MAGI1: variants seen among roughly 807,000 people sequenced by gnomAD.
The protein encoded by MAGI1 is membrane-associated guanylate kinase, WW and PDZ domain-containing protein 1.
In MAGI1, 58 loss-of-function variants were observed where a neutral mutation model predicts 139.9. That is an observed-to-expected ratio of 0.41 (90% CI 0.34 to 0.52). The LOEUF (loss-of-function observed/expected upper bound fraction) is 0.52, where lower values mean the gene tolerates loss of function less well. Among genes scored for constraint, MAGI1 ranks in the 20% least tolerant of loss-of-function variants. MAGI1 has a pLI of 0.12. For missense variants in MAGI1, 1,874 were observed against 1,901.6 expected (o/e 0.99, Z 0.27); for synonymous variants, 812 against 737.9 (o/e 1.10, Z -1.63).
At chr3:65,494,782 A>G (rs1952305825) in intron 2 of MAGI1, among the ~76,000 whole-genome samples, 1 of 152,218 alleles carries the variant, frequency 6.6e-6, no homozygotes, top group Non-Finnish European at 1.5e-5. Flanking sequence ...CATGTGAATA[A>G]CCGCATCCAC....
At chr3:65,567,482 T>C (rs2080721466) in intron 2 of MAGI1, among the ~76,000 whole-genome samples, 1 of 152,176 alleles carries the variant, frequency 6.6e-6, no homozygotes, top group South Asian at 2.1e-4. Context: ...ACGGAAAGCA[T>C]TGATGGAAAG....
chr3:65,991,736 C>G (rs1011648131), intron 1 of MAGI1, among the ~76,000 whole-genome samples: 2 of 152,114 alleles, frequency 1.3e-5, no homozygotes, highest in East Asian at 3.9e-4. Flanking sequence ...AAATCCAGGC[C>G]AGGCACGGTG....
chr3:65,840,846 G>C (rs2058779127), intron 1 of MAGI1, among the ~76,000 whole-genome samples: 1 of 152,166 alleles, frequency 6.6e-6, no homozygotes, highest in Non-Finnish European at 1.5e-5. Context: ...TTTTCTGGAA[G>C]AAATTATATA....
chr3:65,890,198 A>T (rs1259885499), intron 1 of MAGI1, among the ~76,000 whole-genome samples: 1 of 152,136 alleles, frequency 6.6e-6, no homozygotes, highest in Non-Finnish European at 1.5e-5. Flanking sequence ...CCCCGTCTCT[A>T]CTAAAAATAC....
intron 1 of MAGI1, among the ~76,000 whole-genome samples, chr3:65,715,644 TTTTG>T (rs2032145161): frequency 6.6e-6 from 1 of 152,260 alleles, no homozygotes; most frequent in East Asian, 1.9e-4. Flanking sequence ...CAGACACACA[TTTTG>T]TTTGTTTAAA....
intron 3 of MAGI1, among the ~76,000 whole-genome samples, chr3:65,491,551 G>A (rs917839365): frequency 1.3e-5 from 2 of 152,004 alleles, no homozygotes; most frequent in Non-Finnish European, 2.9e-5. Flanking sequence ...CCCCCAGATG[G>A]GCATAATAAC....
intron 1 of MAGI1, among the ~76,000 whole-genome samples, chr3:65,790,247 T>C (rs1486942225): frequency 6.6e-6 from 1 of 152,080 alleles, no homozygotes; most frequent in Non-Finnish European, 1.5e-5. Flanking sequence ...TGGCCCATAG[T>C]GAGAAAAAAG....
intron 1 of MAGI1, among the ~76,000 whole-genome samples, chr3:65,693,067 G>C (rs939169723): frequency 2.0e-5 from 3 of 151,918 alleles, no homozygotes; most frequent in Non-Finnish European, 4.4e-5. Context: ...GAGTAGCTAG[G>C]ACCTACCATA....
intron 2 of MAGI1, 90 bp downstream of exon 2, chr3:65,621,882 C>G (rs1445867230): frequency 1.1e-6 from 1 of 874,116 alleles, no homozygotes; most frequent in East Asian, 2.6e-5. Context: ...TGTTCCAGAA[C>G]CAGTTGTTGA....
intron 1 of MAGI1, among the ~76,000 whole-genome samples, chr3:65,976,672 G>A (rs17074206): frequency 0.014 from 2,088 of 152,228 alleles, 38 homozygotes; most frequent in African/African-American, 0.034. Flanking sequence ...TGAGTTTGTC[G>A]ATGGCTAAAA....
At chr3:65,786,608 A>ATTTTTTTTTTTT (rs34768515) in intron 1 of MAGI1, among the ~76,000 whole-genome samples, 1 of 128,374 alleles carries the variant, frequency 7.8e-6, no homozygotes. Context: ...TGGCCCAAGA[A>ATTTTTTTTTTTT]TTTTTTTTTT....
chr3:65,762,995 G>A (rs1356861089), intron 1 of MAGI1, among the ~76,000 whole-genome samples: 1 of 152,042 alleles, frequency 6.6e-6, no homozygotes, highest in African/African-American at 2.4e-5. Flanking sequence ...CCCAAAGTAG[G>A]GATGGTACAT....
chr3:65,692,360 T>C (rs2088753650), intron 1 of MAGI1, among the ~76,000 whole-genome samples: 1 of 152,222 alleles, frequency 6.6e-6, no homozygotes. Flanking sequence ...GGTTAAGAAC[T>C]ATACTAGGTG....
chr3:65,768,286 G>A (rs1346819753), intron 1 of MAGI1, among the ~76,000 whole-genome samples: 1 of 152,088 alleles, frequency 6.6e-6, no homozygotes. Flanking sequence ...CAGGTATGGT[G>A]GTGCCCACCT....
chr3:65,405,387 A>G (rs574876037), intron 12 of MAGI1, among the ~76,000 whole-genome samples: 1 of 152,350 alleles, frequency 6.6e-6, no homozygotes, highest in Non-Finnish European at 1.5e-5. Context: ...CAAATAATTT[A>G]TATGAAAAAA....
chr3:65,899,746 T>G (rs965537423), intron 1 of MAGI1, among the ~76,000 whole-genome samples: 1 of 152,206 alleles, frequency 6.6e-6, no homozygotes, highest in Non-Finnish European at 1.5e-5. Flanking sequence ...TAATACAGTT[T>G]CATATATACT....
intron 13 of MAGI1, among the ~76,000 whole-genome samples, chr3:65,397,454 T>G (rs1575605512): frequency 1.3e-5 from 2 of 152,076 alleles, no homozygotes; most frequent in East Asian, 1.9e-4. Context: ...TTGAAGAGAC[T>G]GCTTCTTCAA....
chr3:65,549,670 CCCCCAT>C (rs2107959110), intron 2 of MAGI1, among the ~76,000 whole-genome samples: 1 of 152,224 alleles, frequency 6.6e-6, no homozygotes, highest in Admixed American at 6.5e-5. Context: ...TGCCTGCCCG[CCCCCAT>C]CCTCAGGGCC....
intron 10 of MAGI1, among the ~76,000 whole-genome samples, chr3:65,435,659 T>C (rs533694297): frequency 2.0e-5 from 3 of 152,314 alleles, no homozygotes; most frequent in African/African-American, 7.2e-5. Context: ...ATGAGGAAAC[T>C]ATTGTTAAAT....
Sources: gnomAD v4.1 joint callset for allele counts (sites outside exome capture counted in the v4.1 genomes callset) on GRCh38, gnomAD v4.1.1 for gene constraint, MANE v1.5 for transcripts, NCBI Gene and HGNC (gene_info 2026-07-23, HGNC 2026-07-21) for gene names.